ERCC6: variants seen among roughly 807,000 people sequenced by gnomAD.
The protein encoded by ERCC6 is DNA excision repair protein ERCC-6.
Under a neutral mutation model 158.7 loss-of-function variants are expected in ERCC6, and 116 were observed. That is an observed-to-expected ratio of 0.73 (90% CI 0.63 to 0.85). The LOEUF (loss-of-function observed/expected upper bound fraction) is 0.85, where lower values mean the gene tolerates loss of function less well. Ranked by LOEUF, ERCC6 falls within the 40% of genes least tolerant of loss-of-function variation. The pLI is 0.00. For missense variants in ERCC6, 1,698 were observed against 1,799.4 expected (o/e 0.94, Z 1.02); for synonymous variants, 678 against 659.3 (o/e 1.03, Z -0.43).
rs1837458933 is a variant in ERCC6, at chr10:49,531,079, T to TGTA, written c.423-242_423-240dup. On this transcript the variant is annotated intron_variant, in intron 2 of 20. Transcript: ENST00000355832. ...TGATTTAGATCAGCTCATTCCCATTTGTAAGCTGCTTCAGTCATTCTACAA... is the reference window on the plus strand; with the variant it reads ...TGATTTAGATCAGCTCATTCCCATTTGTAGTAAGCTGCTTCAGTCATTCTACAA... Among the ~76,000 whole-genome samples the TGTA allele has an allele frequency of 1.3e-5, 2 of 152,352 alleles. 1 individual carries two copies. Among genetic ancestry groups the TGTA allele is most frequent in the South Asian group, 4.1e-4 (2 of 4,826 alleles).
intron 5 of ERCC6, chr10:49,517,139 T>C: frequency 1.3e-6 from 2 of 1,574,988 alleles, no homozygotes; most frequent in South Asian, 1.2e-5. Flanking sequence ...GGAAAAAAGG[T>C]ATTATTAGTC....
chr10:49,526,118 T>C (rs1837327154), intron 4 of ERCC6, among the ~76,000 whole-genome samples: 1 of 2,534 alleles, frequency 3.9e-4, no homozygotes, highest in African/African-American at 1.1e-3. Context: ...TATATATTTT[T>C]ATATATATAT....
intron 5 of ERCC6, among the ~76,000 whole-genome samples, chr10:49,522,829 G>C (rs1020517735): frequency 7.9e-5 from 12 of 152,164 alleles, no homozygotes; most frequent in Non-Finnish European, 1.3e-4. Context: ...GCACAGAAAC[G>C]AAAGCTGTGC....
In ERCC6 at chr10:49,515,682, C is replaced by A. The variant is rs746657961; in HGVS notation, c.1397+8351G>T. On this transcript the variant is annotated intron_variant, in intron 5 of 20. Transcript: ENST00000355832. ...AGGGCTTGAATACCATTTCTTTCCA[C>A]GGATTGATGCCCGATACTTATCAAT... 6 of 1,614,132 alleles carry A rather than the reference C, an allele frequency of 3.7e-6. No homozygotes were observed. In the South Asian group the frequency reaches 4.4e-5, roughly 12 times the overall value.
intron 5 of ERCC6, among the ~76,000 whole-genome samples, chr10:49,514,640 T>C (rs1836895858): frequency 6.6e-6 from 1 of 152,364 alleles, no homozygotes; most frequent in South Asian, 2.1e-4. Context: ...TCATTCTTAA[T>C]ACAGAGTGAC....
At position 49,524,140 on chromosome 10, in the gene ERCC6, A is replaced by T; in HGVS notation, c.1290T>A (p.Ser430=). The change falls in exon 5 of 21, where the codon TCT becomes TCA. Residue 430 remains serine, a synonymous_variant. Coordinates refer to ENST00000355832, the MANE Select transcript of ERCC6 (RefSeq NM_000124.4). The part of the protein sequence containing the change: ...QEIDDDFFPS[S]GEEAEAASVG... ...CAGAAGCAGCTTCAGCTTCTTCCCC[A>T]GAACTTGGGAAAAAGTCATCATCAA... The T allele has an allele frequency of 6.2e-7, 1 of 1,614,088 alleles. No homozygotes were observed. Among genetic ancestry groups the T allele is most frequent in the South Asian group, 1.1e-5 (1 of 91,078 alleles).
intron 10 of ERCC6, 94 bp from the exon 11 acceptor site, chr10:49,478,564 A>T (rs1307477304): frequency 2.5e-6 from 2 of 814,724 alleles, no homozygotes; most frequent in African/African-American, 3.4e-5. Flanking sequence ...TAAAAAAAAA[A>T]AAAGAATAAC....
In ERCC6 at chr10:49,500,609, C is replaced by T; in HGVS notation, c.1614G>A (p.Lys538=). 6.2e-7 allele frequency: 1 copy of T among 1,614,018 alleles called. No homozygotes were observed. The highest frequency in any genetic ancestry group is 8.5e-7 in the Non-Finnish European group (1 of 1,179,910). ...GILGDEMGLG[K]TIQIIAFLAG... ...CCAAGAAGGCAATTATCTGGATGGT[C>T]TTGCCCAATCCCATTTCATCTCCCA... Residue 538 remains lysine, a synonymous_variant, in exon 7 of 21, where the codon AAG becomes AAA. Coordinates refer to ENST00000355832, the MANE Select transcript of ERCC6 (RefSeq NM_000124.4).
intron 8 of ERCC6, among the ~76,000 whole-genome samples, chr10:49,489,235 G>C (rs189016139): frequency 6.6e-6 from 1 of 152,264 alleles, no homozygotes; most frequent in East Asian, 1.9e-4. Flanking sequence ...ACTACATACT[G>C]AGTCAATCAG....
At chr10:49,513,612 C>G (rs1001684754) in intron 5 of ERCC6, among the ~76,000 whole-genome samples, 2 of 152,114 alleles carry the variant, frequency 1.3e-5, no homozygotes, top group African/African-American at 4.8e-5. Context: ...AGGTGAAGGG[C>G]ACCTTCTTCA....
chr10:49,461,388 C>T lies in ERCC6; in HGVS notation c.3947G>A (p.Gly1316Asp), dbSNP rs1167014744. 6.2e-7 allele frequency: 1 copy of T among 1,613,736 alleles called. No homozygotes were observed. Among genetic ancestry groups the T allele is most frequent in the East Asian group, 2.2e-5 (1 of 44,896 alleles). Residue 1316 changes from glycine (G) to aspartate (D), a missense_variant, in exon 19 of 21, where the codon GGC (glycine) becomes GAC (aspartate). Transcript: ENST00000355832. ...GAVSGVPTWTGHRGISGAPAG... is the reference protein window; with the variant it reads ...GAVSGVPTWTDHRGISGAPAG... Reference sequence around the variant, plus strand: ...TGGTGCACCAGAAATCCCCCTGTGGCCAGTCCAGGTGGGAACACCAGACAC... The same window carrying T: ...TGGTGCACCAGAAATCCCCCTGTGGTCAGTCCAGGTGGGAACACCAGACAC...
In ERCC6 at chr10:49,474,068, T is replaced by G; in HGVS notation, c.2557A>C (p.Lys853Gln). 1 of 1,614,124 alleles carries G rather than the reference T, an allele frequency of 6.2e-7. No individual in the cohort carries two copies. The highest frequency in any genetic ancestry group is 8.5e-7 in the Non-Finnish European group (1 of 1,180,032). Residue 853 changes from lysine to glutamine, a missense_variant, in exon 13 of 21, where the codon AAG becomes CAG. Physicochemically the swap from Lys to Gln is moderately conservative, Grantham distance 53. Transcript: ENST00000355832. Reference protein sequence around the residue: ...VVESLLKIWHKQGQRVLLFSQ... With the variant: ...VVESLLKIWHQQGQRVLLFSQ... ...AACAGCAATACTCGCTGACCCTGCT[T>G]GTGCCATATTTTCAACAAAGACTCA...
rs1850508209 is a variant in ERCC6 at position 49,457,762 on chromosome 10, A to G, written c.*1053T>C. 6.6e-6 allele frequency: 1 copy of G among 152,292 alleles called. No individual in the cohort carries two copies. Among genetic ancestry groups the G allele is most frequent in the Non-Finnish European group, 1.5e-5 (1 of 68,062 alleles). 9.4% of individuals were successfully genotyped at this position (152,292 alleles called of 1,614,324 possible). A position where few individuals can be genotyped will look rare whatever the true frequency, so the allele number is the denominator to read the frequency against. Reference sequence around the variant, plus strand: ...GATGATAAAATCATCCTGAGAAGGAAACAAGAAAAACATGGGTAAGAAAAT... The same window carrying G: ...GATGATAAAATCATCCTGAGAAGGAGACAAGAAAAACATGGGTAAGAAAAT... On this transcript the variant is annotated 3_prime_UTR_variant, in exon 21 of 21. Coordinates refer to ENST00000355832, the MANE Select transcript of ERCC6 (RefSeq NM_000124.4).
the ERCC6 span, among the ~76,000 whole-genome samples, chr10:49,440,873 G>A: frequency 4.6e-5 from 7 of 152,198 alleles, no homozygotes; most frequent in African/African-American, 1.7e-4. Context: ...AACTACAGCA[G>A]AAGCTGTAGT....
At chr10:49,519,923 G>C (rs1837104820) in intron 5 of ERCC6, among the ~76,000 whole-genome samples, 1 of 152,046 alleles carries the variant, frequency 6.6e-6, no homozygotes. Context: ...TCCCCACGCT[G>C]AGCCCAGGCC....
At chr10:49,486,470 A>G (rs1364225248) in intron 8 of ERCC6, among the ~76,000 whole-genome samples, 2 of 152,226 alleles carry the variant, frequency 1.3e-5, no homozygotes, top group Non-Finnish European at 2.9e-5. Context: ...GGTAGAATTG[A>G]TAAAGCAAAA....
chr10:49,524,263 C>T lies in ERCC6; in HGVS notation c.1167G>A (p.Glu389=). ...CTCCAGACAGGTCCGCCTCTGCCCC[C>T]TCCACCTCGTCATCTTCCTCCTCTT... ...EEEEEEDDEV[E]GAEADLSGDG... Residue 389 remains glutamate, a synonymous_variant, in exon 5 of 21, where the codon GAG becomes GAA. Coordinates refer to ENST00000355832, the MANE Select transcript of ERCC6 (RefSeq NM_000124.4). 1 of 1,614,078 alleles carries T rather than the reference C, an allele frequency of 6.2e-7. No homozygotes were observed. The highest frequency in any genetic ancestry group is 8.5e-7 in the Non-Finnish European group (1 of 1,180,006).
In ERCC6 at chr10:49,473,595, GA is replaced by G; in HGVS notation, c.2599-9del. 1 of 1,525,100 alleles carries G rather than the reference GA, an allele frequency of 6.6e-7. No homozygotes were observed. Among genetic ancestry groups the G allele is most frequent in the Non-Finnish European group, 9.1e-7 (1 of 1,098,736 alleles). 94.5% of individuals were successfully genotyped at this position (1,525,100 alleles called of 1,614,324 possible). A position where few individuals can be genotyped will look rare whatever the true frequency, so the allele number is the denominator to read the frequency against. On this transcript the variant is annotated splice_polypyrimidine_tract_variant and intron_variant, in intron 13 of 20. Coordinates refer to ENST00000355832, the MANE Select transcript of ERCC6 (RefSeq NM_000124.4). Reference sequence around the variant, plus strand: ...TTCAAGTATGTCCAGCATCTGTTTGGAGGTGGGGGATAGGAGTTTGCAAAGC... The same window carrying G: ...TTCAAGTATGTCCAGCATCTGTTTGGGGTGGGGGATAGGAGTTTGCAAAGC...
At chr10:49,467,008 T>C (rs1351102283) in intron 18 of ERCC6, among the ~76,000 whole-genome samples, 2 of 152,176 alleles carry the variant, frequency 1.3e-5, no homozygotes, top group African/African-American at 4.8e-5. Flanking sequence ...CTCGAACTCC[T>C]GACCTCAGGT....
Sources: gnomAD v4.1 joint callset for allele counts (sites outside exome capture counted in the v4.1 genomes callset) on GRCh38, gnomAD v4.1.1 for gene constraint, MANE v1.5 for transcripts, NCBI Gene and HGNC (gene_info 2026-07-23, HGNC 2026-07-21) for gene names.